Variants in SNTG1 observed in about 807,000 individuals in gnomAD.
SNTG1 encodes the protein syntrophin gamma 1, also known as gamma-1-syntrophin.
SNTG1 carries 39 observed loss-of-function variants against 74.7 expected under a neutral mutation model. The observed-to-expected ratio is 0.52, with a 90% CI of 0.40 to 0.68. The LOEUF is 0.68. Ranked by LOEUF, SNTG1 falls within the 30% of genes least tolerant of loss-of-function variation. SNTG1 has a pLI of 0.00. For synonymous variants in SNTG1, 254 were observed against 217.1 expected, an observed-to-expected ratio of 1.17 and a Z score of -1.49; for missense variants, 685 against 609.5, an observed-to-expected ratio of 1.12 and a Z score of -1.30.
intron 17 of SNTG1, among the ~76,000 whole-genome samples, chr8:50,750,745 T>G (rs1237452814): frequency 6.6e-6 from 1 of 152,002 alleles, no homozygotes; most frequent in African/African-American, 2.4e-5. Flanking sequence ...TTTTTTAGGC[T>G]TAATGTCATT....
chr8:49,976,900 G>T (rs1205350913), intron 1 of SNTG1, among the ~76,000 whole-genome samples: 1 of 152,192 alleles, frequency 6.6e-6, no homozygotes, highest in African/African-American at 2.4e-5. Context: ...ACTATGTGCA[G>T]AAACGAATCA....
chr8:50,122,224 G>A lies in SNTG1; in HGVS notation c.-102-50337G>A, dbSNP rs1463399664. 1.4e-5 allele frequency among the ~76,000 whole-genome samples: 2 copies of A among 142,114 alleles called. 1 individual carries two copies. Among genetic ancestry groups the A allele is most frequent in the Non-Finnish European group, 3.1e-5 (2 of 63,860 alleles). The allele number at this position is 142,114 out of a possible 152,430, so 93.2% of individuals were successfully genotyped here. On this transcript the variant is annotated intron_variant, in intron 1 of 18. Transcript: ENST00000642720. ...TTTGAATAAATGTAAAAATATTCAA[G>A]GCATCCTTGGTAACTTGTGCCTTAC...
At chr8:50,779,617 G>A (rs1257490638) in intron 18 of SNTG1, among the ~76,000 whole-genome samples, 1 of 151,358 alleles carries the variant, frequency 6.6e-6, no homozygotes, top group East Asian at 1.9e-4. Context: ...AGACAATGGG[G>A]TTTTCTAGAT....
At chr8:49,985,138 G>A (rs548560824) in intron 1 of SNTG1, among the ~76,000 whole-genome samples, 121 of 152,204 alleles carry the variant, frequency 7.9e-4, no homozygotes, top group African/African-American at 2.6e-3. Flanking sequence ...TGTTTTAAAA[G>A]TGGAAGCAGC....
At chr8:50,782,484 C>A (rs2095662494) in intron 18 of SNTG1, among the ~76,000 whole-genome samples, 1 of 152,146 alleles carries the variant, frequency 6.6e-6, no homozygotes. Context: ...CTCTTTCTTC[C>A]AGTTGATCGC....
intron 9 of SNTG1, among the ~76,000 whole-genome samples, chr8:50,517,019 G>GA (rs1460196962): frequency 4.6e-5 from 7 of 152,092 alleles, no homozygotes; most frequent in African/African-American, 1.7e-4. Context: ...TGAAATGAAG[G>GA]AAAAAATGTT....
At chr8:50,077,485 A>C (rs1329478230) in intron 1 of SNTG1, among the ~76,000 whole-genome samples, 1 of 152,164 alleles carries the variant, frequency 6.6e-6, no homozygotes, top group Non-Finnish European at 1.5e-5. Flanking sequence ...ATAATCACTC[A>C]TATTATGGTT....
chr8:50,421,175 C>G (rs2093081638), intron 4 of SNTG1, among the ~76,000 whole-genome samples: 2 of 151,800 alleles, frequency 1.3e-5, no homozygotes, highest in Admixed American at 6.6e-5. Flanking sequence ...AGAGAGGGCT[C>G]TTAGATCTCC....
At chr8:50,503,873 G>T (rs1222014526) in intron 9 of SNTG1, among the ~76,000 whole-genome samples, 1 of 151,930 alleles carries the variant, frequency 6.6e-6, no homozygotes, top group African/African-American at 2.4e-5. Context: ...TTAAGTTCAG[G>T]GGTACAAATG....
intron 15 of SNTG1, among the ~76,000 whole-genome samples, chr8:50,687,299 C>G (rs927417734): frequency 6.6e-6 from 1 of 151,528 alleles, no homozygotes; most frequent in African/African-American, 2.4e-5. Flanking sequence ...AGTAGTAAAT[C>G]CTTAACTATC....
At chr8:50,581,074 G>A (rs948179905) in intron 12 of SNTG1, among the ~76,000 whole-genome samples, 5 of 152,168 alleles carry the variant, frequency 3.3e-5, no homozygotes, top group African/African-American at 1.2e-4. Context: ...TTTTTAAAAT[G>A]CTCCTGTAGA....
At chr8:50,030,186 T>A (rs1817626703) in intron 1 of SNTG1, among the ~76,000 whole-genome samples, 1 of 152,168 alleles carries the variant, frequency 6.6e-6, no homozygotes. Context: ...GCCCAATTTT[T>A]AACTGGATTA....
chr8:50,197,137 A>G (rs2083801109), intron 2 of SNTG1, among the ~76,000 whole-genome samples: 1 of 152,148 alleles, frequency 6.6e-6, no homozygotes, highest in Non-Finnish European at 1.5e-5. Context: ...AATGATTGTT[A>G]TTTATTTCCA....
chr8:50,391,499 C>A (rs566862743), intron 2 of SNTG1, among the ~76,000 whole-genome samples: 89 of 152,108 alleles, frequency 5.9e-4, no homozygotes, highest in Middle Eastern at 3.2e-3. Context: ...ATTTTTGCAT[C>A]AATGTTCATC....
chr8:50,582,915 G>A (rs1468314098), intron 12 of SNTG1, among the ~76,000 whole-genome samples: 5 of 151,970 alleles, frequency 3.3e-5, no homozygotes, highest in Non-Finnish European at 7.4e-5. Flanking sequence ...TAGTTTTCTA[G>A]AAATCAAAGA....
intron 15 of SNTG1, among the ~76,000 whole-genome samples, chr8:50,677,584 A>T (rs2095314175): frequency 6.6e-6 from 1 of 151,880 alleles, no homozygotes; most frequent in African/African-American, 2.4e-5. Context: ...ATTTGTTTAG[A>T]TTTCTGTTTA....
intron 4 of SNTG1, among the ~76,000 whole-genome samples, chr8:50,407,915 G>T (rs147621914): frequency 6.6e-6 from 1 of 152,238 alleles, no homozygotes; most frequent in East Asian, 1.9e-4. Flanking sequence ...CTCCTGGGTG[G>T]AGTCACTGGT....
At chr8:50,010,225 A>C (rs1815644148) in intron 1 of SNTG1, among the ~76,000 whole-genome samples, 2 of 152,152 alleles carry the variant, frequency 1.3e-5, no homozygotes, top group South Asian at 4.1e-4. Flanking sequence ...AATTGTGTTC[A>C]ATTATACCAG....
Position 50,794,656 on chromosome 8 carries a change from G to A in SNTG1, c.*1827G>A, listed in dbSNP as rs571821783. 1 of 152,030 alleles carries A rather than the reference G, an allele frequency of 6.6e-6. No individual in the cohort carries two copies. The highest frequency in any genetic ancestry group is 1.5e-5 in the Non-Finnish European group (1 of 67,940). 9.4% of individuals were successfully genotyped at this position (152,030 alleles called of 1,614,324 possible). A position where few individuals can be genotyped will look rare whatever the true frequency, so the allele number is the denominator to read the frequency against. On this transcript the variant is annotated 3_prime_UTR_variant, in exon 19 of 19. Transcript: ENST00000642720. ...TGAACTTATGGAGAAAAAGCAGTGG[G>A]ATACATCGAACTTAGAATTTTCAGC...
Sources: allele counts gnomAD v4.1 joint callset (sites outside exome capture counted in the v4.1 genomes callset), GRCh38; gene constraint gnomAD v4.1.1; transcripts MANE v1.5; gene names NCBI Gene and HGNC (gene_info 2026-07-23, HGNC 2026-07-21).